The following DAB1 variants were observed in gnomAD, a reference collection of about 807,000 sequenced individuals.
DAB1 encodes the protein DAB adaptor protein 1.
Under a neutral mutation model 64.6 loss-of-function variants are expected in DAB1, and 15 were observed. That is an observed-to-expected ratio of 0.23 (90% confidence interval 0.16 to 0.36). The LOEUF is 0.36. Among genes scored for constraint, DAB1 ranks in the 10% least tolerant of loss-of-function variants. DAB1 has a pLI of 1.00. For synonymous variants in DAB1, 235 were observed against 251.9 expected, an observed-to-expected ratio of 0.93 and a Z score of 0.64; for missense variants, 596 against 706.7, an observed-to-expected ratio of 0.84 and a Z score of 1.78.
chr1:57,872,620 C>G (rs775176321), intron 1 of DAB1, among the ~76,000 whole-genome samples: 9 of 152,076 alleles, frequency 5.9e-5, no homozygotes, highest in Non-Finnish European at 1.5e-5. Flanking sequence ...TCAAGGGGTC[C>G]GCAGTCCCCA....
intron 4 of DAB1, among the ~76,000 whole-genome samples, chr1:58,214,427 GA>G (rs1021800988): frequency 1.3e-5 from 2 of 152,160 alleles, no homozygotes; most frequent in African/African-American, 4.8e-5. Context: ...GCTGACAAAG[GA>G]GATTCAAAAA....
chr1:57,175,990 A>T (rs1662275197), intron 2 of DAB1, among the ~76,000 whole-genome samples: 1 of 152,130 alleles, frequency 6.6e-6, no homozygotes, highest in Non-Finnish European at 1.5e-5. Context: ...AGACTTTGTT[A>T]TATTATAGGT....
At chr1:58,249,791 G>T (rs189152186) in intron 4 of DAB1, among the ~76,000 whole-genome samples, 1 of 152,160 alleles carries the variant, frequency 6.6e-6, no homozygotes, top group African/African-American at 2.4e-5. Flanking sequence ...TTGTCTCGGG[G>T]GATTCCGCTT....
chr1:58,151,304 C>T (rs1469477202), intron 4 of DAB1, among the ~76,000 whole-genome samples: 1 of 152,172 alleles, frequency 6.6e-6, no homozygotes, highest in Admixed American at 6.5e-5. Flanking sequence ...TTTACAGTCC[C>T]ACCAACAGTG....
intron 7 of DAB1, among the ~76,000 whole-genome samples, chr1:57,473,023 G>T (rs1376169575): frequency 1.3e-5 from 2 of 152,170 alleles, no homozygotes; most frequent in Non-Finnish European, 2.9e-5. Flanking sequence ...CATACTGAAT[G>T]CCTTGACTAC....
At chr1:57,242,888 A>G (rs1045825497) in intron 2 of DAB1, among the ~76,000 whole-genome samples, 10 of 152,220 alleles carry the variant, frequency 6.6e-5, no homozygotes, top group African/African-American at 2.4e-4. Flanking sequence ...CATTCCCCAG[A>G]GCCACTATTC....
intron 4 of DAB1, among the ~76,000 whole-genome samples, chr1:58,256,931 G>A (rs1351179565): frequency 2.6e-5 from 4 of 152,114 alleles, no homozygotes; most frequent in Non-Finnish European, 4.4e-5. Context: ...GCTGATTTGC[G>A]CCATCTCTTG....
At chr1:57,247,389 T>G (rs764701278) in intron 2 of DAB1, among the ~76,000 whole-genome samples, 1 of 152,196 alleles carries the variant, frequency 6.6e-6, no homozygotes, top group Admixed American at 6.5e-5. Flanking sequence ...CTTGTTTCCC[T>G]TCTCCTTCTG....
intron 7 of DAB1, among the ~76,000 whole-genome samples, chr1:57,560,111 T>C (rs1175300170): frequency 6.6e-6 from 1 of 152,228 alleles, no homozygotes; most frequent in Non-Finnish European, 1.5e-5. Flanking sequence ...ACTTGGCAAA[T>C]TTCTTTTTCT....
chr1:57,313,398 G>A (rs1490791713), intron 1 of DAB1, among the ~76,000 whole-genome samples: 1 of 152,158 alleles, frequency 6.6e-6, no homozygotes, highest in African/African-American at 2.4e-5. Flanking sequence ...CAATTACAGT[G>A]TTGGTATTAT....
intron 9 of DAB1, among the ~76,000 whole-genome samples, chr1:57,052,140 G>C (rs57655464): frequency 3.6e-5 from 5 of 138,972 alleles, no homozygotes; most frequent in East Asian, 5.2e-4. Flanking sequence ...TACTGGGGGC[G>C]GGGGGGCGGG....
chr1:57,855,226 T>G (rs1035110308), intron 1 of DAB1, among the ~76,000 whole-genome samples: 1 of 152,102 alleles, frequency 6.6e-6, no homozygotes. Context: ...AAGTAACCAA[T>G]TCTCAACTCA....
At chr1:57,066,963 A>T (rs1650970304) in intron 8 of DAB1, among the ~76,000 whole-genome samples, 1 of 152,142 alleles carries the variant, frequency 6.6e-6, no homozygotes, top group African/African-American at 2.4e-5. Flanking sequence ...CTGAAGTACT[A>T]ACAAACACTG....
chr1:58,503,355 T>C (rs1457240004), intron 3 of DAB1, among the ~76,000 whole-genome samples: 1 of 152,208 alleles, frequency 6.6e-6, no homozygotes, highest in African/African-American at 2.4e-5. Flanking sequence ...AAATACATAA[T>C]GTCCCATGCC....
intron 7 of DAB1, among the ~76,000 whole-genome samples, chr1:57,480,206 G>A (rs1021773790): frequency 6.6e-6 from 1 of 150,938 alleles, no homozygotes; most frequent in Non-Finnish European, 1.5e-5. Flanking sequence ...TTTTATGATC[G>A]AAACTCTGAA....
At chr1:58,119,242 G>T (rs1444310169) in intron 5 of DAB1, among the ~76,000 whole-genome samples, 2 of 151,932 alleles carry the variant, frequency 1.3e-5, no homozygotes, top group Non-Finnish European at 2.9e-5. Context: ...GTGTGTGTGT[G>T]TGTGTGTGTG....
intron 5 of DAB1, among the ~76,000 whole-genome samples, chr1:58,044,791 T>TA (rs1321714982): frequency 6.6e-6 from 1 of 152,136 alleles, no homozygotes; most frequent in Non-Finnish European, 1.5e-5. Flanking sequence ...ATCATATGTA[T>TA]AAAAGCACTT....
chr1:57,067,548 G>A (rs545365483), intron 8 of DAB1, among the ~76,000 whole-genome samples: 153 of 152,154 alleles, frequency 1.0e-3, no homozygotes, highest in African/African-American at 3.5e-3. Flanking sequence ...CACCATCAGC[G>A]CATGTGCACA....
intron 4 of DAB1, among the ~76,000 whole-genome samples, chr1:57,107,072 G>T (rs931694879): frequency 6.6e-6 from 1 of 151,872 alleles, no homozygotes; most frequent in Admixed American, 6.6e-5. Context: ...ATTTCCCCAA[G>T]TATTAAAAAA....
Sources: gnomAD v4.1 joint callset for allele counts (sites outside exome capture counted in the v4.1 genomes callset) on GRCh38, gnomAD v4.1.1 for gene constraint, MANE v1.5 for transcripts, NCBI Gene and HGNC (gene_info 2026-07-23, HGNC 2026-07-21) for gene names.